Variants in HCN1 observed in about 807,000 individuals in gnomAD.
HCN1 encodes the protein potassium/sodium hyperpolarization-activated cyclic nucleotide-gated channel 1.
In HCN1, 13 loss-of-function variants were observed where a neutral mutation model predicts 78.9. The ratio of observed to expected loss-of-function variants is 0.16; its 90% confidence interval spans 0.11 to 0.26. HCN1 has a LOEUF of 0.26. HCN1 is among the 10% of genes least tolerant of loss of function. The pLI is 1.00. For synonymous variants in HCN1, 552 were observed against 455.5 expected (o/e 1.21, Z -2.70); for missense variants, 810 against 1,154.3 (o/e 0.70, Z 4.32).
chr5:45,449,043 G>A (rs948249701), intron 3 of HCN1, among the ~76,000 whole-genome samples: 1 of 152,180 alleles, frequency 6.6e-6, no homozygotes, highest in African/African-American at 2.4e-5. Flanking sequence ...GAGCCCACGA[G>A]GTTGCAGTGA....
chr5:45,495,807 T>C lies in HCN1; in HGVS notation c.850-33800A>G. ...CCTAATTTATTGAGAGTTTTTAGCATGAAGGGTTGTTGAATTTTGTCAAAG... is the reference window on the plus strand; with the variant it reads ...CCTAATTTATTGAGAGTTTTTAGCACGAAGGGTTGTTGAATTTTGTCAAAG... On this transcript the variant is annotated intron_variant, in intron 2 of 7. Transcript: ENST00000303230. 1.3e-5 allele frequency among the ~76,000 whole-genome samples: 2 copies of C among 152,344 alleles called. 1 individual carries two copies.
At chr5:45,635,579 G>T (rs1282379133) in intron 2 of HCN1, among the ~76,000 whole-genome samples, 1 of 152,048 alleles carries the variant, frequency 6.6e-6, no homozygotes, top group Non-Finnish European at 1.5e-5. Flanking sequence ...ATAAGAAAAA[G>T]AATTTAGCTG....
At chr5:45,280,907 ATTT>A (rs1745148449) in intron 6 of HCN1, among the ~76,000 whole-genome samples, 1 of 151,828 alleles carries the variant, frequency 6.6e-6, no homozygotes, top group Non-Finnish European at 1.5e-5. Flanking sequence ...AATTCCGTCT[ATTT>A]TTCTTTTCCA....
chr5:45,325,800 T>C (rs1746223445), intron 5 of HCN1, among the ~76,000 whole-genome samples: 1 of 151,696 alleles, frequency 6.6e-6, no homozygotes, highest in African/African-American at 2.4e-5. Flanking sequence ...TTCCCATGAT[T>C]TCTCTGTCTC....
In HCN1 at chr5:45,262,181, G is replaced by A; in HGVS notation, c.2413C>T (p.His805Tyr). 1 of 1,614,064 alleles carries A rather than the reference G, an allele frequency of 6.2e-7. No individual in the cohort carries two copies. Among genetic ancestry groups the A allele is most frequent in the Non-Finnish European group, 8.5e-7 (1 of 1,180,036 alleles). The change falls in exon 8 of 8, where the codon CAT becomes TAT. Residue 805 changes from histidine to tyrosine, a missense_variant. His to Tyr is a moderately conservative substitution (Grantham distance 83, BLOSUM62 2). Around this residue, in one of 6 missense-constraint regions of HCN1, gnomAD observed 398 missense variants for 381.3 expected, o/e 1.04. Transcript: ENST00000303230. ...GCCAGGGACTCGCCCACAGTGGGAT[G>A]AGGTCTGGAAATCAGAGTGGACACC... ...HEVSTLISRP[H>Y]PTVGESLASI...
intron 3 of HCN1, among the ~76,000 whole-genome samples, chr5:45,400,801 A>C (rs1356863672): frequency 6.6e-6 from 1 of 152,130 alleles, no homozygotes; most frequent in South Asian, 2.1e-4. Context: ...ACATTTCCCC[A>C]AAATCAGGTA....
intron 6 of HCN1, among the ~76,000 whole-genome samples, chr5:45,287,232 G>A (rs140308244): frequency 0.015 from 2,232 of 151,874 alleles, 28 homozygotes; most frequent in South Asian, 0.032. Flanking sequence ...TAGGAAGAGC[G>A]GTTACCTGTG....
rs138718382 is a variant in HCN1, at chr5:45,579,504, T to A, written c.849+65681A>T. On this transcript the variant is annotated intron_variant, in intron 2 of 7. Coordinates refer to ENST00000303230, the MANE Select transcript of HCN1 (RefSeq NM_021072.4). ...AGTATCTACCATGGTCTCGCAAAGATCCTAATACTTAAAAAACAAAGAGTG... is the reference window on the plus strand; with the variant it reads ...AGTATCTACCATGGTCTCGCAAAGAACCTAATACTTAAAAAACAAAGAGTG... Among the ~76,000 whole-genome samples, 52 of 151,954 alleles carry A rather than the reference T, an allele frequency of 3.4e-4. No individual in the cohort carries two copies. In the East Asian group the frequency reaches 9.5e-3, roughly 28 times the overall value.
intron 2 of HCN1, among the ~76,000 whole-genome samples, chr5:45,524,994 T>A (rs1292153891): frequency 6.6e-6 from 1 of 152,106 alleles, no homozygotes; most frequent in Non-Finnish European, 1.5e-5. Context: ...GGCTGTGGGT[T>A]TGTCATAAAT....
intron 2 of HCN1, chr5:45,559,626 CAG>C (rs1743553224): frequency 6.6e-6 from 1 of 152,124 alleles, no homozygotes; most frequent in African/African-American, 2.4e-5. Context: ...AACTTGAGAG[CAG>C]AGAGTCATTT....
At chr5:45,493,934 C>A (rs910548747) in intron 2 of HCN1, among the ~76,000 whole-genome samples, 1 of 152,096 alleles carries the variant, frequency 6.6e-6, no homozygotes, top group Non-Finnish European at 1.5e-5. Flanking sequence ...ATGAACTCAT[C>A]ATTTTTTATG....
chr5:45,512,128 G>A (rs957144025), intron 2 of HCN1, among the ~76,000 whole-genome samples: 9 of 151,866 alleles, frequency 5.9e-5, no homozygotes, highest in African/African-American at 1.5e-4. Flanking sequence ...TCCTTCTATC[G>A]TCACTTTCTA....
intron 2 of HCN1, among the ~76,000 whole-genome samples, chr5:45,483,335 G>A (rs1238377907): frequency 6.6e-6 from 1 of 152,094 alleles, no homozygotes; most frequent in Non-Finnish European, 1.5e-5. Context: ...AGTATTCTGA[G>A]TGGTATTCAT....
At chr5:45,627,880 C>T (rs1745198716) in intron 2 of HCN1, among the ~76,000 whole-genome samples, 1 of 152,128 alleles carries the variant, frequency 6.6e-6, no homozygotes, top group Admixed American at 6.6e-5. Flanking sequence ...ATAAATGTGG[C>T]ATTTATTGGA....
rs573276763 is a variant in HCN1 at position 45,357,879 on chromosome 5, C to T, written c.1231-4633G>A. 1.7e-4 allele frequency among the ~76,000 whole-genome samples: 26 copies of T among 152,096 alleles called. 1 individual carries two copies. In the South Asian group the frequency reaches 4.4e-3, roughly 25 times the overall value. On this transcript the variant is annotated intron_variant, in intron 4 of 7. Transcript: ENST00000303230. ...GACAAAGATTATGCCCTCCCTCAGGCGTGAGTGAATTCTCACTCTGTTAGT... is the reference window on the plus strand; with the variant it reads ...GACAAAGATTATGCCCTCCCTCAGGTGTGAGTGAATTCTCACTCTGTTAGT...
intron 2 of HCN1, among the ~76,000 whole-genome samples, chr5:45,463,760 T>A (rs2111631919): frequency 6.6e-6 from 1 of 152,208 alleles, no homozygotes; most frequent in Non-Finnish European, 1.5e-5. Context: ...GAACTTAGTT[T>A]TTTTGTTGTT....
At chr5:45,440,865 G>C (rs1740663443) in intron 3 of HCN1, among the ~76,000 whole-genome samples, 2 of 152,102 alleles carry the variant, frequency 1.3e-5, no homozygotes, top group Non-Finnish European at 2.9e-5. Context: ...ACTTTACCAA[G>C]AACAGAACCC....
chr5:45,412,138 C>A (rs1740036786), intron 3 of HCN1, among the ~76,000 whole-genome samples: 1 of 152,104 alleles, frequency 6.6e-6, no homozygotes, highest in South Asian at 2.1e-4. Context: ...AGGAAGTAAA[C>A]ATTCAAAGCT....
At chr5:45,637,798 G>A (rs1169456015) in intron 2 of HCN1, among the ~76,000 whole-genome samples, 1 of 152,068 alleles carries the variant, frequency 6.6e-6, no homozygotes, top group Non-Finnish European at 1.5e-5. Context: ...TGAGCAAAGA[G>A]TTTCTCAGGT....
Sources: gnomAD v4.1 joint callset for allele counts (sites outside exome capture counted in the v4.1 genomes callset) on GRCh38, gnomAD v4.1.1 for gene constraint, gnomAD v4.1.1 regional missense constraint, MANE v1.5 for transcripts, NCBI Gene and HGNC (gene_info 2026-07-23, HGNC 2026-07-21) for gene names.